SNAP23: variants seen among roughly 807,000 people sequenced by gnomAD.
SNAP23 encodes synaptosome associated protein 23.
SNAP23 carries 11 observed loss-of-function variants against 29.0 expected under a neutral mutation model. The observed-to-expected ratio is 0.38, with a 90% CI of 0.24 to 0.63. SNAP23 has a LOEUF of 0.63. SNAP23 is among the 20% of genes least tolerant of loss of function. The pLI, the probability that SNAP23 is intolerant of heterozygous loss-of-function variation, is 0.58. For missense variants in SNAP23, 220 were observed against 253.9 expected, an observed-to-expected ratio of 0.87 and a Z score of 0.91; for synonymous variants, 60 against 82.9, an observed-to-expected ratio of 0.72 and a Z score of 1.50.
At chr15:42,505,933 CT>C (rs928159080) in intron 1 of SNAP23, among the ~76,000 whole-genome samples, 4 of 149,392 alleles carry the variant, frequency 2.7e-5, no homozygotes, top group South Asian at 2.1e-4. Context: ...CTTTTCTTTT[CT>C]TTTTTTTTCT....
chr15:42,529,543 A>G, intron 6 of SNAP23, 132 bp from the exon 7 acceptor site: 1 of 829,880 alleles, frequency 1.2e-6, no homozygotes, highest in Non-Finnish European at 1.9e-6. Context: ...TTTCCCAGGA[A>G]TGGTAACCTA....
At chr15:42,502,849 A>C (rs143167047) in intron 1 of SNAP23, among the ~76,000 whole-genome samples, 1 of 152,328 alleles carries the variant, frequency 6.6e-6, no homozygotes, top group East Asian at 1.9e-4. Flanking sequence ...CTCCTGGGTC[A>C]CTTAGAGTAG....
chr15:42,515,759 A>G (rs2057392257), intron 5 of SNAP23, among the ~76,000 whole-genome samples: 1 of 152,230 alleles, frequency 6.6e-6, no homozygotes, highest in Non-Finnish European at 1.5e-5. Context: ...GGCAAAACAT[A>G]AAAAATACAT....
chr15:42,525,698 G>A (rs58641431), intron 5 of SNAP23, among the ~76,000 whole-genome samples: 14,768 of 151,468 alleles, frequency 0.097, 824 homozygotes, highest in South Asian at 0.17. Flanking sequence ...TCCTGACTTC[G>A]TGATCTGCCT....
upstream of SNAP23, chr15:42,493,048 T>C (rs1340293603): frequency 6.6e-6 from 1 of 152,198 alleles, no homozygotes; most frequent in Non-Finnish European, 1.5e-5. Flanking sequence ...CATTATAAGA[T>C]GTTTAGCAGC....
intron 5 of SNAP23, among the ~76,000 whole-genome samples, chr15:42,523,177 G>GA (rs79670795): frequency 1.4e-3 from 186 of 135,310 alleles, no homozygotes; most frequent in East Asian, 2.1e-3. Context: ...GTTTAAGTGG[G>GA]AAAAAAAAAA....
intron 1 of SNAP23, among the ~76,000 whole-genome samples, chr15:42,504,895 A>G (rs1459380268): frequency 1.3e-5 from 2 of 152,200 alleles, no homozygotes; most frequent in African/African-American, 4.8e-5. Flanking sequence ...ATCAAGCCAA[A>G]GAGAATGCTG....
At position 42,512,960 on chromosome 15, in the gene SNAP23, G is replaced by A. The variant is rs1427846923; in HGVS notation, c.63G>A (p.Leu21=). The change falls in exon 3 of 8, where the codon CTG becomes CTA. Residue 21 remains leucine, a synonymous_variant. Coordinates refer to ENST00000249647, the MANE Select transcript of SNAP23 (RefSeq NM_003825.4). ...AATTCTGTGTTCTTTCCTAGTCTCTGGAAAGTACGAGGAGAATCCTGGGTT... is the reference window on the plus strand; with the variant it reads ...AATTCTGTGTTCTTTCCTAGTCTCTAGAAAGTACGAGGAGAATCCTGGGTT... ...QRAHQITDES[L]ESTRRILGLA... is the part of the protein sequence containing the mutation. 6.2e-7 allele frequency: 1 copy of A among 1,610,876 alleles called. No homozygotes were observed. The highest frequency in any genetic ancestry group is 8.5e-7 in the Non-Finnish European group (1 of 1,177,264).
At chr15:42,497,569 G>A (rs143664564) in intron 1 of SNAP23, among the ~76,000 whole-genome samples, 1,538 of 151,900 alleles carry the variant, frequency 0.01, 32 homozygotes, top group African/African-American at 0.036. Flanking sequence ...GGTCTCAAAC[G>A]CCTGACCTCA....
intron 1 of SNAP23, among the ~76,000 whole-genome samples, chr15:42,510,983 G>A (rs1567044284): frequency 6.6e-6 from 1 of 152,178 alleles, no homozygotes; most frequent in Non-Finnish European, 1.5e-5. Context: ...TTGACCGTGA[G>A]TTTTGATAAA....
chr15:42,518,432 CTT>C (rs1163801630), intron 5 of SNAP23, among the ~76,000 whole-genome samples: 3 of 128,646 alleles, frequency 2.3e-5, no homozygotes, highest in African/African-American at 3.6e-5. Context: ...TTTTCTTTCT[CTT>C]TTTTTTTTTT....
chr15:42,493,820 T>C (rs138280944), upstream of SNAP23, among the ~76,000 whole-genome samples: 95 of 152,260 alleles, frequency 6.2e-4, no homozygotes, highest in Non-Finnish European at 1.2e-3. Context: ...CATCTTCAAC[T>C]TCACAGAGAA....
intron 5 of SNAP23, among the ~76,000 whole-genome samples, chr15:42,522,622 CT>C (rs1047476968): frequency 3.1e-4 from 47 of 150,358 alleles, no homozygotes; most frequent in African/African-American, 1.1e-3. Flanking sequence ...TATTTGGTCC[CT>C]TTTCTCCTTG....
intron 1 of SNAP23, among the ~76,000 whole-genome samples, chr15:42,502,807 C>T (rs1262351138): frequency 6.6e-6 from 1 of 152,166 alleles, no homozygotes; most frequent in Non-Finnish European, 1.5e-5. Context: ...AAATTGATTA[C>T]AATCAAACCT....
At chr15:42,514,996 C>G (rs766579816) in intron 4 of SNAP23, among the ~76,000 whole-genome samples, 1 of 152,158 alleles carries the variant, frequency 6.6e-6, no homozygotes, top group African/African-American at 2.4e-5. Context: ...CCACCATACC[C>G]AGCCATATAC....
At chr15:42,529,374 A>C (rs8031883) in intron 6 of SNAP23, among the ~76,000 whole-genome samples, 3 of 152,196 alleles carry the variant, frequency 2.0e-5, no homozygotes, top group Admixed American at 2.0e-4. Flanking sequence ...TAGGTCTGGA[A>C]TGGAGTGTGA....
At chr15:42,495,269 A>T (rs1162367203), upstream of SNAP23, 1 of 152,196 alleles carries the variant, frequency 6.6e-6, no homozygotes, top group Non-Finnish European at 1.5e-5. Context: ...AAGGCGCCTC[A>T]AATTTTCTAT....
chr15:42,492,910 A>C (rs2057185910), upstream of SNAP23: 1 of 152,258 alleles, frequency 6.6e-6, no homozygotes, highest in Admixed American at 6.5e-5. Context: ...GCCATCATTC[A>C]GGGAAAAGCC....
intron 5 of SNAP23, chr15:42,521,758 G>C: frequency 3.1e-6 from 2 of 649,528 alleles, no homozygotes; most frequent in Non-Finnish European, 5.5e-6. Context: ...TTTGTGAATG[G>C]TGAAAACTGT....
Sources: gnomAD v4.1 joint callset for allele counts (sites outside exome capture counted in the v4.1 genomes callset) on GRCh38, gnomAD v4.1.1 for gene constraint, MANE v1.5 for transcripts, NCBI Gene and HGNC (gene_info 2026-07-23, HGNC 2026-07-21) for gene names.